FLT1: variants seen among roughly 807,000 people sequenced by gnomAD.
FLT1 encodes the protein vascular endothelial growth factor receptor 1.
FLT1 carries 49 observed loss-of-function variants against 156.3 expected under a neutral mutation model. The ratio of observed to expected loss-of-function variants is 0.31; its 90% CI spans 0.25 to 0.40. The LOEUF (loss-of-function observed/expected upper bound fraction) is 0.40. Ranked by LOEUF, FLT1 falls within the 10% of genes least tolerant of loss-of-function variation. The pLI, the probability that FLT1 is intolerant of heterozygous loss-of-function variation, is 1.00. For synonymous variants in FLT1, 594 were observed against 583.8 expected (o/e 1.02, Z -0.25); for missense variants, 1,322 against 1,637.2 (o/e 0.81, Z 3.32).
intron 10 of FLT1, among the ~76,000 whole-genome samples, chr13:28,417,571 G>A (rs1242047125): frequency 1.3e-5 from 2 of 152,090 alleles, no homozygotes; most frequent in Non-Finnish European, 2.9e-5. Context: ...TTGCCATTAA[G>A]TAGCTGTGAG....
At chr13:28,450,420 G>A (rs776414395) in intron 3 of FLT1, among the ~76,000 whole-genome samples, 3 of 152,062 alleles carry the variant, frequency 2.0e-5, no homozygotes, top group Non-Finnish European at 4.4e-5. Context: ...GCTGGCTGGC[G>A]GTTTCTAGGT....
rs1342649833 is a variant in FLT1 at position 28,306,741 on chromosome 13, G to T, written c.3752C>A (p.Ala1251Asp). ...GGTGAAGCGCTTCAGCATGGGAGAGGCCAACAGAGTGCTGCTGTCGCCCTG... is the reference window on the plus strand; with the variant it reads ...GGTGAAGCGCTTCAGCATGGGAGAGTCCAACAGAGTGCTGCTGTCGCCCTG... ...DYQGDSSTLL[A>D]SPMLKRFTWT... The change falls in exon 29 of 30, where the codon GCC becomes GAC. Residue 1251 changes from alanine to aspartate, a missense_variant. Ala to Asp is a moderately radical substitution (Grantham distance 126, BLOSUM62 -2). Transcript: ENST00000282397. The T allele has an allele frequency of 3.1e-6, 5 of 1,613,742 alleles. No homozygotes were observed. The highest frequency in any genetic ancestry group is 4.2e-6 in the Non-Finnish European group (5 of 1,179,688).
intron 15 of FLT1, among the ~76,000 whole-genome samples, chr13:28,350,756 T>C (rs1288657163): frequency 1.3e-5 from 2 of 152,132 alleles, no homozygotes; most frequent in East Asian, 1.9e-4. Flanking sequence ...AAAGGGCAGG[T>C]ACTCTGTGCC....
At chr13:28,338,114 G>T (rs1208734778) in intron 17 of FLT1, among the ~76,000 whole-genome samples, 4 of 152,048 alleles carry the variant, frequency 2.6e-5, no homozygotes, top group African/African-American at 9.7e-5. Context: ...AATAGAACAT[G>T]CTCCTGAGGC....
chr13:28,413,128 C>T (rs544312677), intron 10 of FLT1, among the ~76,000 whole-genome samples: 12 of 151,984 alleles, frequency 7.9e-5, no homozygotes, highest in Admixed American at 3.3e-4. Context: ...AGAAGAGTTT[C>T]GGGGGTTGTG....
chr13:28,478,983 T>A (rs759901852), intron 1 of FLT1, among the ~76,000 whole-genome samples: 4 of 152,230 alleles, frequency 2.6e-5, no homozygotes, highest in African/African-American at 7.2e-5. Flanking sequence ...GAAGGCCGAA[T>A]GTGATAAAGT....
chr13:28,436,074 A>T (rs576619170), intron 4 of FLT1, among the ~76,000 whole-genome samples: 1 of 152,290 alleles, frequency 6.6e-6, no homozygotes, highest in South Asian at 2.1e-4. Flanking sequence ...TGTTTCTCTT[A>T]CTCTCATCTA....
chr13:28,368,165 T>G, intron 14 of FLT1: 1 of 537,026 alleles, frequency 1.9e-6, no homozygotes, highest in Non-Finnish European at 2.4e-6. Flanking sequence ...TATTTATTTG[T>G]TTTTTGAGAC....
intron 10 of FLT1, among the ~76,000 whole-genome samples, chr13:28,420,802 C>T (rs987185340): frequency 1.3e-5 from 2 of 152,158 alleles, no homozygotes; most frequent in African/African-American, 4.8e-5. Context: ...TTACATACCC[C>T]ACTGATGCGC....
intron 28 of FLT1, among the ~76,000 whole-genome samples, chr13:28,307,923 C>T (rs1018461577): frequency 5.9e-5 from 9 of 152,214 alleles, no homozygotes; most frequent in Non-Finnish European, 1.0e-4. Flanking sequence ...AGGAGCCCAC[C>T]ACCACGCCCA....
At chr13:28,351,645 T>TACA (rs1872737248) in intron 15 of FLT1, among the ~76,000 whole-genome samples, 1 of 152,250 alleles carries the variant, frequency 6.6e-6, no homozygotes, top group Admixed American at 6.5e-5. Context: ...AAATGCTGTA[T>TACA]TCCCATTATA....
chr13:28,461,374 A>C (rs685983), intron 3 of FLT1, among the ~76,000 whole-genome samples: 21,356 of 152,168 alleles, frequency 0.14, 2,636 homozygotes, highest in African/African-American at 0.33. Context: ...GGGGAAATAG[A>C]CCTAACCTAG....
intron 20 of FLT1, among the ~76,000 whole-genome samples, chr13:28,327,049 T>G (rs1340046214): frequency 6.6e-6 from 1 of 152,264 alleles, no homozygotes; most frequent in African/African-American, 2.4e-5. Flanking sequence ...CTCAGTTGAT[T>G]TAGCCTTAGT....
At chr13:28,306,869 G>T in intron 28 of FLT1, 97 bp from the exon 29 acceptor site, 1 of 810,628 alleles carries the variant, frequency 1.2e-6, no homozygotes. Context: ...GTTGATCCAG[G>T]CTCTGCCTCA....
At chr13:28,387,389 G>A in intron 13 of FLT1, 1 of 1,053,356 alleles carries the variant, frequency 9.5e-7, no homozygotes, top group Non-Finnish European at 1.1e-6. Flanking sequence ...TTTTGAATAA[G>A]GGAGGTGCGT....
intron 13 of FLT1, chr13:28,387,656 C>T: frequency 6.6e-6 from 7 of 1,065,034 alleles, no homozygotes; most frequent in South Asian, 9.1e-5. Context: ...AGCCTCACAC[C>T]CCCTGTTCCA....
chr13:28,489,590 C>A (rs145486203), intron 1 of FLT1, among the ~76,000 whole-genome samples: 101 of 152,222 alleles, frequency 6.6e-4, no homozygotes, highest in African/African-American at 2.1e-3. Flanking sequence ...CTGGATCTTG[C>A]CAGCAGGAGA....
At chr13:28,422,278 G>A (rs567243580) in intron 10 of FLT1, among the ~76,000 whole-genome samples, 4 of 149,226 alleles carry the variant, frequency 2.7e-5, no homozygotes, top group Non-Finnish European at 5.9e-5. Flanking sequence ...TAAAGAAAAC[G>A]AGTTTTTTCA....
chr13:28,412,350 C>CTTTTCTTTCTTTCTTTTTT (rs71086853), intron 10 of FLT1, among the ~76,000 whole-genome samples: 3 of 93,708 alleles, frequency 3.2e-5, no homozygotes, highest in African/African-American at 1.1e-4. Context: ...TTCTTTCTTT[C>CTTTTCTTTCTTTCTTTTTT]TCTTTCTTTC....
Sources: allele counts gnomAD v4.1 joint callset (sites outside exome capture counted in the v4.1 genomes callset), GRCh38; gene constraint gnomAD v4.1.1; transcripts MANE v1.5; gene names NCBI Gene and HGNC (gene_info 2026-07-23, HGNC 2026-07-21).